Variants in ST8SIA1 observed in about 807,000 individuals in gnomAD.
The protein encoded by ST8SIA1 is alpha-N-acetylneuraminide alpha-2,8-sialyltransferase.
In ST8SIA1, 16 loss-of-function variants were observed where a neutral mutation model predicts 35.9. The observed-to-expected ratio is 0.45, with a 90% CI of 0.30 to 0.68. The LOEUF (loss-of-function observed/expected upper bound fraction) is 0.68. Among genes scored for constraint, ST8SIA1 ranks in the 30% least tolerant of loss-of-function variants. The pLI, the probability that ST8SIA1 is intolerant of heterozygous loss-of-function variation, is 0.09. For missense variants in ST8SIA1, 383 were observed against 453.6 expected (o/e 0.84, Z 1.41); for synonymous variants, 170 against 169.6 (o/e 1.00, Z -0.02).
At chr12:22,244,422 C>G (rs997841795) in intron 4 of ST8SIA1, among the ~76,000 whole-genome samples, 2 of 152,012 alleles carry the variant, frequency 1.3e-5, no homozygotes, top group Non-Finnish European at 2.9e-5. Flanking sequence ...CTTGCTACAT[C>G]TTTGTCCCTA....
intron 2 of ST8SIA1, among the ~76,000 whole-genome samples, chr12:22,283,900 A>G (rs1257113530): frequency 6.6e-6 from 1 of 152,214 alleles, no homozygotes; most frequent in Non-Finnish European, 1.5e-5. Flanking sequence ...GGACTTTTAG[A>G]ACACAGAACA....
At chr12:22,252,522 C>T (rs1195759446) in intron 3 of ST8SIA1, among the ~76,000 whole-genome samples, 1 of 152,126 alleles carries the variant, frequency 6.6e-6, no homozygotes, top group African/African-American at 2.4e-5. Context: ...TGTCATAAAA[C>T]AGAACTATTC....
intron 4 of ST8SIA1, among the ~76,000 whole-genome samples, chr12:22,206,961 G>T (rs188328843): frequency 6.6e-6 from 1 of 152,304 alleles, no homozygotes; most frequent in Admixed American, 6.5e-5. Context: ...AGAAAGTGCT[G>T]CTGGCAATTT....
chr12:22,223,804 G>C, intron 4 of ST8SIA1: 1 of 1,237,430 alleles, frequency 8.1e-7, no homozygotes, highest in South Asian at 1.4e-5. Context: ...GCTTAGGCTA[G>C]TTAGAATGAA....
chr12:22,272,814 G>C (rs1400665743), intron 2 of ST8SIA1, among the ~76,000 whole-genome samples: 3 of 152,240 alleles, frequency 2.0e-5, no homozygotes, highest in Non-Finnish European at 2.9e-5. Context: ...TTTTTGCTCT[G>C]TCACTGCACT....
intron 4 of ST8SIA1, among the ~76,000 whole-genome samples, chr12:22,220,583 T>C (rs1353129793): frequency 2.0e-5 from 3 of 152,246 alleles, no homozygotes; most frequent in Non-Finnish European, 2.9e-5. Flanking sequence ...CATCTTACTC[T>C]GATGTTCCCA....
intron 2 of ST8SIA1, among the ~76,000 whole-genome samples, chr12:22,262,611 C>T (rs750828016): frequency 1.1e-4 from 17 of 152,196 alleles, no homozygotes; most frequent in Non-Finnish European, 2.2e-4. Context: ...AGAGTCTGAG[C>T]TGGTCTGGGA....
chr12:22,322,335 C>T (rs1444117336), intron 1 of ST8SIA1, among the ~76,000 whole-genome samples: 1 of 152,202 alleles, frequency 6.6e-6, no homozygotes, highest in Non-Finnish European at 1.5e-5. Context: ...TGGCCTATCG[C>T]TCTGTTCTCA....
intron 4 of ST8SIA1, among the ~76,000 whole-genome samples, chr12:22,221,243 A>G (rs1324758423): frequency 6.6e-6 from 1 of 152,146 alleles, no homozygotes; most frequent in African/African-American, 2.4e-5. Flanking sequence ...TGATGAGTGG[A>G]GACAGATGGA....
At chr12:22,294,456 T>C (rs1402164515) in intron 1 of ST8SIA1, among the ~76,000 whole-genome samples, 2 of 152,230 alleles carry the variant, frequency 1.3e-5, no homozygotes, top group Non-Finnish European at 2.9e-5. Context: ...TTTCATTAGA[T>C]TATTGCTTCA....
At position 22,199,743 on chromosome 12, in the gene ST8SIA1, CA is replaced by C. The variant is rs1287121175; in HGVS notation, c.*1808del. On this transcript the variant is annotated 3_prime_UTR_variant, in exon 5 of 5. Coordinates refer to ENST00000396037, the MANE Select transcript of ST8SIA1 (RefSeq NM_003034.4). ...GCCAAGGGCTTTCCTATGTTTATGT[CA>C]TGTTAAATTAACCCACAGAAAATAC... 2.6e-5 allele frequency: 4 copies of C among 152,106 alleles called. No individual in the cohort carries two copies. The highest frequency in any genetic ancestry group is 6.6e-5 in the Admixed American group (1 of 15,260). The allele number at this position is 152,106 out of a possible 1,614,324, so 9.4% of individuals were successfully genotyped here. A position where few individuals can be genotyped will look rare whatever the true frequency, so the allele number is the denominator to read the frequency against.
chr12:22,234,503 TTTC>T (rs1207636475), intron 4 of ST8SIA1, among the ~76,000 whole-genome samples: 2 of 152,186 alleles, frequency 1.3e-5, no homozygotes, highest in Non-Finnish European at 2.9e-5. Flanking sequence ...TGGTGGTTAT[TTTC>T]TTCTTCTTTT....
chr12:22,309,365 G>A (rs1236255450), intron 1 of ST8SIA1, among the ~76,000 whole-genome samples: 2 of 152,082 alleles, frequency 1.3e-5, no homozygotes, highest in Non-Finnish European at 2.9e-5. Flanking sequence ...ACTACAGAGT[G>A]GTTTTGGCCA....
chr12:22,267,921 C>A (rs115414627), intron 2 of ST8SIA1, among the ~76,000 whole-genome samples: 1,630 of 152,204 alleles, frequency 0.011, 17 homozygotes, highest in African/African-American at 0.038. Context: ...TGTCATCTTC[C>A]AGGATTGGCA....
At chr12:22,306,388 A>C (rs1866383379) in intron 1 of ST8SIA1, among the ~76,000 whole-genome samples, 1 of 152,160 alleles carries the variant, frequency 6.6e-6, no homozygotes, top group South Asian at 2.1e-4. Context: ...TCATTTTGGA[A>C]TAGCTTACAA....
At chr12:22,306,036 C>G (rs974700316) in intron 1 of ST8SIA1, among the ~76,000 whole-genome samples, 70 of 152,270 alleles carry the variant, frequency 4.6e-4, no homozygotes, top group African/African-American at 1.6e-3. Flanking sequence ...ACAAAGACAG[C>G]TTGGAGGTTA....
In ST8SIA1 at chr12:22,299,398, A is replaced by C. The variant is rs530083328; in HGVS notation, c.237-12105T>G. ...AGAGAAATCATTTTATATGAGAAGGAATCTTATATAGTAAATTTAGTCTTA... is the reference window on the plus strand; with the variant it reads ...AGAGAAATCATTTTATATGAGAAGGCATCTTATATAGTAAATTTAGTCTTA... On this transcript the variant is annotated intron_variant, in intron 1 of 4. Coordinates refer to ENST00000396037, the MANE Select transcript of ST8SIA1 (RefSeq NM_003034.4). 3.3e-5 allele frequency among the ~76,000 whole-genome samples: 5 copies of C among 152,256 alleles called. No individual in the cohort carries two copies. In the South Asian group the frequency reaches 1.0e-3, roughly 32 times the overall value.
chr12:22,280,123 A>G (rs1310100094), intron 2 of ST8SIA1, among the ~76,000 whole-genome samples: 2 of 152,140 alleles, frequency 1.3e-5, no homozygotes, highest in Non-Finnish European at 2.9e-5. Flanking sequence ...TTAATCAAAT[A>G]TGTCTATGCA....
intron 2 of ST8SIA1, among the ~76,000 whole-genome samples, chr12:22,280,699 C>T (rs1390509632): frequency 1.3e-5 from 2 of 152,216 alleles, no homozygotes; most frequent in East Asian, 1.9e-4. Flanking sequence ...TCTTAAAGTT[C>T]CCATCAGCTA....
Sources: allele counts gnomAD v4.1 joint callset (sites outside exome capture counted in the v4.1 genomes callset), GRCh38; gene constraint gnomAD v4.1.1; transcripts MANE v1.5; gene names NCBI Gene and HGNC (gene_info 2026-07-23, HGNC 2026-07-21).